The following STAC variants were observed in gnomAD, a reference collection of about 807,000 sequenced individuals.
The protein encoded by STAC is SH3 and cysteine-rich domain-containing protein.
In STAC, 43 loss-of-function variants were observed where a neutral mutation model predicts 48.8. That is an observed-to-expected ratio of 0.88 (90% CI 0.69 to 1.14). STAC has a LOEUF of 1.14. STAC is among the 50% of genes most tolerant of loss of function. The probability of loss-of-function intolerance (pLI) is 0.00; values close to 1 mark genes in which losing one functional copy is unlikely to be tolerated. For synonymous variants in STAC, 193 were observed against 179.5 expected (o/e 1.07, Z -0.60); for missense variants, 497 against 504.0 (o/e 0.99, Z 0.13).
intron 2 of STAC, among the ~76,000 whole-genome samples, chr3:36,475,280 A>G (rs73827518): frequency 0.031 from 4,703 of 152,036 alleles, 214 homozygotes; most frequent in African/African-American, 0.11. Context: ...TTTTAATTCT[A>G]CTATGGAGCA....
At chr3:36,479,250 G>T (rs1697577784) in intron 2 of STAC, among the ~76,000 whole-genome samples, 1 of 152,000 alleles carries the variant, frequency 6.6e-6, no homozygotes, top group Non-Finnish European at 1.5e-5. Flanking sequence ...TAAAATTCTG[G>T]GTTGCAAATC....
Position 36,505,781 on chromosome 3 carries a change from C to T in STAC, c.867C>T (p.Thr289=), listed in dbSNP as rs747122980. ...SLSKDPLQMN[T]YVALYKFVPQ... is the part of the protein sequence containing the mutation. Reference sequence around the variant, plus strand: ...CCAAAGACCCATTACAGATGAACACCTATGTTGCCTTGTACAAATTTGTAC... The same window carrying T: ...CCAAAGACCCATTACAGATGAACACTTATGTTGCCTTGTACAAATTTGTAC... Residue 289 remains threonine (T), a synonymous_variant, in exon 8 of 11, where the codon ACC becomes ACT. Coordinates refer to ENST00000273183, the MANE Select transcript of STAC (RefSeq NM_003149.3). 3 of 1,607,560 alleles carry T rather than the reference C, an allele frequency of 1.9e-6. No individual in the cohort carries two copies. In the African/African-American group the frequency reaches 4.0e-5, roughly 22 times the overall value.
intron 8 of STAC, among the ~76,000 whole-genome samples, chr3:36,525,703 T>C (rs145687032): frequency 4.9e-4 from 74 of 152,352 alleles, no homozygotes; most frequent in African/African-American, 1.7e-3. Context: ...TTTTTCTACA[T>C]TGACTTTCAT....
At chr3:36,439,518 A>T (rs544810741) in intron 1 of STAC, among the ~76,000 whole-genome samples, 6 of 152,312 alleles carry the variant, frequency 3.9e-5, no homozygotes, top group African/African-American at 1.4e-4. Flanking sequence ...TTTCTGTGTG[A>T]TGGTGTTTAC....
chr3:36,384,812 A>G (rs929105818), intron 1 of STAC, among the ~76,000 whole-genome samples: 5 of 152,136 alleles, frequency 3.3e-5, no homozygotes, highest in African/African-American at 1.2e-4. Context: ...CTGAACCTGG[A>G]CCACAATCCA....
At chr3:36,414,942 CCT>C (rs1700285035) in intron 1 of STAC, among the ~76,000 whole-genome samples, 1 of 152,178 alleles carries the variant, frequency 6.6e-6, no homozygotes, top group Admixed American at 6.5e-5. Flanking sequence ...CACTCCAGAC[CCT>C]GTTTGCCTAG....
chr3:36,437,211 A>T lies in STAC; in HGVS notation c.112-6153A>T, dbSNP rs1198756194. On this transcript the variant is annotated intron_variant, in intron 1 of 10. Coordinates refer to ENST00000273183, the MANE Select transcript of STAC (RefSeq NM_003149.3). ...AACTAGTTCAACCATTGTGGAAGTCAGTGTGGCGATTCCTCAGGGATCTAG... is the reference window on the plus strand; with the variant it reads ...AACTAGTTCAACCATTGTGGAAGTCTGTGTGGCGATTCCTCAGGGATCTAG... Among the ~76,000 whole-genome samples, 3 of 150,546 alleles carry T rather than the reference A, an allele frequency of 2.0e-5. No individual in the cohort carries two copies. In the East Asian group the frequency reaches 5.9e-4, roughly 30 times the overall value.
chr3:36,406,236 T>C (rs983492039), intron 1 of STAC, among the ~76,000 whole-genome samples: 8 of 152,166 alleles, frequency 5.3e-5, no homozygotes, highest in Non-Finnish European at 8.8e-5. Flanking sequence ...CACATGCAGG[T>C]AGTTTCTGAG....
chr3:36,531,683 A>C (rs1027417800), intron 10 of STAC, among the ~76,000 whole-genome samples: 2 of 152,174 alleles, frequency 1.3e-5, no homozygotes, highest in African/African-American at 4.8e-5. Flanking sequence ...GGGAGCAGAA[A>C]GGACTGTAGC....
chr3:36,413,169 G>T (rs1482786087), intron 1 of STAC, among the ~76,000 whole-genome samples: 1 of 152,180 alleles, frequency 6.6e-6, no homozygotes, highest in African/African-American at 2.4e-5. Flanking sequence ...GGGGTGGACG[G>T]TTCTATAGAT....
At chr3:36,486,358 T>C in intron 5 of STAC, 109 bp downstream of exon 5, 1 of 921,926 alleles carries the variant, frequency 1.1e-6, no homozygotes. Context: ...AGGGCAGGTC[T>C]GCAGGGAGTC....
At chr3:36,476,189 A>G (rs1043409094) in intron 2 of STAC, among the ~76,000 whole-genome samples, 2 of 152,236 alleles carry the variant, frequency 1.3e-5, no homozygotes, top group African/African-American at 4.8e-5. Flanking sequence ...CTTTGTACCA[A>G]GCACTTCACT....
intron 1 of STAC, among the ~76,000 whole-genome samples, chr3:36,439,715 C>T (rs1696278147): frequency 6.6e-6 from 1 of 152,170 alleles, no homozygotes; most frequent in African/African-American, 2.4e-5. Flanking sequence ...TGAAGAGGGT[C>T]TGTACTGCTC....
At chr3:36,417,679 C>T (rs1205148277) in intron 1 of STAC, among the ~76,000 whole-genome samples, 1 of 152,114 alleles carries the variant, frequency 6.6e-6, no homozygotes, top group Admixed American at 6.5e-5. Flanking sequence ...TATTTCTGTT[C>T]ACATTCTCTT....
At chr3:36,448,179 T>TTTTAC (rs1559495373) in intron 2 of STAC, among the ~76,000 whole-genome samples, 1 of 150,860 alleles carries the variant, frequency 6.6e-6, no homozygotes, top group East Asian at 1.9e-4. Flanking sequence ...TTTTATTTTA[T>TTTTAC]TTTATTTTAC....
At chr3:36,515,039 A>AAATAAT (rs142944670) in intron 8 of STAC, among the ~76,000 whole-genome samples, 10,103 of 147,752 alleles carry the variant, frequency 0.068, 418 homozygotes, top group Non-Finnish European at 0.088. Flanking sequence ...CTCTGTCTCC[A>AAATAAT]AATAATAATA....
intron 10 of STAC, among the ~76,000 whole-genome samples, chr3:36,539,323 T>A (rs920587033): frequency 1.3e-5 from 2 of 152,084 alleles, no homozygotes; most frequent in African/African-American, 4.8e-5. Context: ...CTAGCACCCA[T>A]TAGTTATTTT....
intron 2 of STAC, among the ~76,000 whole-genome samples, chr3:36,476,210 A>T (rs1697488877): frequency 6.6e-6 from 1 of 152,208 alleles, no homozygotes; most frequent in Non-Finnish European, 1.5e-5. Context: ...GACCACAGGG[A>T]CCCAGAGGTA....
chr3:36,443,224 C>T lies in STAC; in HGVS notation c.112-140C>T, dbSNP rs1216904227. ...CTAGGCACTGCCATCACCCCACCCA[C>T]ACAGGGACATTTATGAGCCTCCTCA... On this transcript the variant is annotated intron_variant, in intron 1 of 10. Transcript: ENST00000273183. The surrounding 1 kb of genome is among the most constrained non-coding windows in gnomAD (Gnocchi z 4.2). The T allele has an allele frequency of 7.0e-6, 7 of 1,003,076 alleles. No homozygotes were observed. In the African/African-American group the frequency reaches 1.1e-4, roughly 16 times the overall value. The allele number at this position is 1,003,076 out of a possible 1,614,324, so 62.1% of individuals were successfully genotyped here.
Sources: allele counts gnomAD v4.1 joint callset (sites outside exome capture counted in the v4.1 genomes callset), GRCh38; gene constraint gnomAD v4.1.1; non-coding constraint Gnocchi (gnomAD v3.1); transcripts MANE v1.5; gene names NCBI Gene and HGNC (gene_info 2026-07-23, HGNC 2026-07-21).